The following RAPGEF6 variants were observed in gnomAD, a reference collection of about 807,000 sequenced individuals.
RAPGEF6 encodes PDZ domain containing guanine nucleotide exchange factor (GEF) 2.
In RAPGEF6, 56 loss-of-function variants were observed where a neutral mutation model predicts 171.4. The ratio of observed to expected loss-of-function variants is 0.33; its 90% CI spans 0.26 to 0.41. The LOEUF (loss-of-function observed/expected upper bound fraction) is 0.41, where lower values mean the gene tolerates loss of function less well. Ranked by LOEUF, RAPGEF6 falls within the 10% of genes least tolerant of loss-of-function variation. The pLI, the probability that RAPGEF6 is intolerant of heterozygous loss-of-function variation, is 1.00. For missense variants in RAPGEF6, 1,674 were observed against 1,921.4 expected (o/e 0.87, Z 2.41); for synonymous variants, 692 against 650.1 (o/e 1.06, Z -0.98).
At chr5:131,571,433 C>A (rs569060349) in intron 4 of RAPGEF6, among the ~76,000 whole-genome samples, 3 of 152,190 alleles carry the variant, frequency 2.0e-5, no homozygotes, top group South Asian at 2.1e-4. Context: ...ATGACAAGAT[C>A]ACTTACGTAC....
intron 16 of RAPGEF6, among the ~76,000 whole-genome samples, chr5:131,477,966 C>G (rs1755222036): frequency 6.6e-6 from 1 of 152,300 alleles, no homozygotes; most frequent in Middle Eastern, 3.4e-3. Flanking sequence ...GGGCTGGCCC[C>G]TCTAACATTC....
intron 8 of RAPGEF6, among the ~76,000 whole-genome samples, chr5:131,509,313 G>A (rs1281400492): frequency 6.6e-6 from 1 of 152,118 alleles, no homozygotes. Flanking sequence ...GGAGGCCGAG[G>A]TGGGCGGATC....
intron 17 of RAPGEF6, among the ~76,000 whole-genome samples, chr5:131,465,981 C>T (rs1439408448): frequency 6.6e-6 from 1 of 150,978 alleles, no homozygotes; most frequent in Non-Finnish European, 1.5e-5. Context: ...ACAAATTTAT[C>T]TCAAAATGTC....
At chr5:131,628,331 T>G (rs1241978563) in intron 1 of RAPGEF6, among the ~76,000 whole-genome samples, 2 of 151,728 alleles carry the variant, frequency 1.3e-5, no homozygotes, top group Non-Finnish European at 2.9e-5. Context: ...TGGAGAAAGT[T>G]TGAGTGGTCT....
rs1376149980 is a variant in RAPGEF6 at position 131,426,625 on chromosome 5, G to C, written c.*641C>G. ...GGTTCCTAACACCTCAACTGCAAAG[G>C]GCTTCCTATTTCTCTCAAACTGAGA... On this transcript the variant is annotated 3_prime_UTR_variant, in exon 28 of 28. Transcript: ENST00000509018. 6.6e-6 allele frequency: 1 copy of C among 152,214 alleles called. No homozygotes were observed. The highest frequency in any genetic ancestry group is 1.5e-5 in the Non-Finnish European group (1 of 68,106). 9.4% of individuals were successfully genotyped at this position (152,214 alleles called of 1,614,324 possible). A position where few individuals can be genotyped will look rare whatever the true frequency, so the allele number is the denominator to read the frequency against.
intron 4 of RAPGEF6, among the ~76,000 whole-genome samples, chr5:131,563,590 A>G (rs1761742802): frequency 6.6e-6 from 1 of 152,170 alleles, no homozygotes; most frequent in Non-Finnish European, 1.5e-5. Context: ...TGTAGCCTCG[A>G]CATCCCTGGG....
intron 6 of RAPGEF6, among the ~76,000 whole-genome samples, chr5:131,528,870 C>T (rs904484770): frequency 5.3e-5 from 8 of 152,064 alleles, no homozygotes; most frequent in African/African-American, 1.9e-4. Context: ...AGGAAGTGAT[C>T]AGCTGTGTCA....
At chr5:131,623,478 T>C (rs28526572) in intron 1 of RAPGEF6, among the ~76,000 whole-genome samples, 1 of 88,882 alleles carries the variant, frequency 1.1e-5, no homozygotes, top group African/African-American at 7.7e-5. Context: ...TTCACATTGC[T>C]TTTTTTTTTT....
chr5:131,485,356 A>C (rs1755813786), intron 15 of RAPGEF6, among the ~76,000 whole-genome samples: 1 of 152,218 alleles, frequency 6.6e-6, no homozygotes, highest in South Asian at 2.1e-4. Context: ...GCTAAATCTA[A>C]ACATGAGGTG....
In RAPGEF6 at chr5:131,433,419, A is replaced by C; in HGVS notation, c.3974+11T>G. On this transcript the variant is annotated intron_variant, in intron 25 of 27. Coordinates refer to ENST00000509018, the MANE Select transcript of RAPGEF6 (RefSeq NM_016340.6). Reference sequence around the variant, plus strand: ...GGGTTTTGTGTTATGAACACAGACAATGATGCTTACCCAGGGCCATGTTGA... The same window carrying C: ...GGGTTTTGTGTTATGAACACAGACACTGATGCTTACCCAGGGCCATGTTGA... 1 of 1,600,626 alleles carries C rather than the reference A, an allele frequency of 6.2e-7. No homozygotes were observed. Among genetic ancestry groups the C allele is most frequent in the Non-Finnish European group, 8.6e-7 (1 of 1,167,778 alleles).
intron 16 of RAPGEF6, among the ~76,000 whole-genome samples, chr5:131,473,722 TTAAAG>T (rs1388293218): frequency 3.3e-5 from 5 of 152,188 alleles, no homozygotes; most frequent in Admixed American, 1.3e-4. Flanking sequence ...ATGAAAAAGA[TTAAAG>T]TATAGTATTA....
intron 7 of RAPGEF6, 77 bp downstream of exon 7, chr5:131,521,313 C>A (rs1401732890): frequency 4.4e-6 from 6 of 1,371,706 alleles, no homozygotes; most frequent in Non-Finnish European, 5.8e-6. Flanking sequence ...GATATGTTAA[C>A]CATCTAAGGC....
chr5:131,430,836 C>CA (rs772295338), intron 26 of RAPGEF6, 23 bp downstream of exon 26: 3 of 1,582,602 alleles, frequency 1.9e-6, no homozygotes, highest in Non-Finnish European at 2.6e-6. Context: ...CTAAATGCCA[C>CA]AGACAACAAA....
chr5:131,537,598 G>A (rs1258592658), intron 6 of RAPGEF6, among the ~76,000 whole-genome samples: 1 of 152,074 alleles, frequency 6.6e-6, no homozygotes, highest in African/African-American at 2.4e-5. Flanking sequence ...AATATTGAAA[G>A]TAATGTTTTG....
intron 16 of RAPGEF6, among the ~76,000 whole-genome samples, chr5:131,475,864 A>G (rs1248320138): frequency 6.6e-6 from 1 of 151,922 alleles, no homozygotes; most frequent in East Asian, 1.9e-4. Flanking sequence ...CTCATCCTCT[A>G]CTCTTACAGA....
chr5:131,435,701 C>A, intron 24 of RAPGEF6: 1 of 566,452 alleles, frequency 1.8e-6, no homozygotes, highest in Non-Finnish European at 2.7e-6. Flanking sequence ...AAAAAGCCTC[C>A]TCTACATATT....
intron 19 of RAPGEF6, among the ~76,000 whole-genome samples, chr5:131,456,897 ACTC>A (rs1275409782): frequency 6.6e-6 from 1 of 152,110 alleles, no homozygotes; most frequent in Non-Finnish European, 1.5e-5. Flanking sequence ...AAGATAACAA[ACTC>A]CTCAACACAC....
intron 17 of RAPGEF6, among the ~76,000 whole-genome samples, chr5:131,470,758 G>T (rs1754684212): frequency 6.6e-6 from 1 of 152,144 alleles, no homozygotes; most frequent in African/African-American, 2.4e-5. Flanking sequence ...AGGGAGGTGG[G>T]TTTCCCAGAT....
In RAPGEF6 at chr5:131,431,116, A is replaced by C; in HGVS notation, c.4208T>G (p.Val1403Gly). 6.2e-7 allele frequency: 1 copy of C among 1,614,206 alleles called. No homozygotes were observed. The highest frequency in any genetic ancestry group is 8.5e-7 in the Non-Finnish European group (1 of 1,180,040). ...HTHLDDPIAEVEPTDSEPYSC... is the reference protein window; with the variant it reads ...HTHLDDPIAEGEPTDSEPYSC... Reference sequence around the variant, plus strand: ...ATAGGGCTCAGAGTCAGTGGGTTCAACTTCAGCAATGGGGTCATCCAAATG... The same window carrying C: ...ATAGGGCTCAGAGTCAGTGGGTTCACCTTCAGCAATGGGGTCATCCAAATG... The change falls in exon 26 of 28, where the codon GTT becomes GGT. Residue 1403 changes from valine (V) to glycine (G), a missense_variant. Val to Gly is a moderately radical substitution (Grantham distance 109). Transcript: ENST00000509018.
Sources: gnomAD v4.1 joint callset for allele counts (sites outside exome capture counted in the v4.1 genomes callset) on GRCh38, gnomAD v4.1.1 for gene constraint, MANE v1.5 for transcripts, NCBI Gene and HGNC (gene_info 2026-07-23, HGNC 2026-07-21) for gene names.